FOXP1: variants seen among roughly 807,000 people sequenced by gnomAD.
FOXP1 encodes forkhead box P1.
A neutral mutation model predicts 98.2 loss-of-function variants in FOXP1; 15 were observed. The observed-to-expected ratio is 0.15, with a 90% CI of 0.10 to 0.24. The LOEUF is 0.24. FOXP1 is among the 10% of genes least tolerant of loss of function. The pLI is 1.00. For synonymous variants in FOXP1, 371 were observed against 314.5 expected, an observed-to-expected ratio of 1.18 and a Z score of -1.90; for missense variants, 633 against 848.5, an observed-to-expected ratio of 0.75 and a Z score of 3.15.
chr3:71,241,299 G>C (rs777280488), intron 5 of FOXP1, among the ~76,000 whole-genome samples: 1 of 152,088 alleles, frequency 6.6e-6, no homozygotes, highest in Non-Finnish European at 1.5e-5. Flanking sequence ...CACTACTGCT[G>C]AAAGCAACAC....
In FOXP1 at chr3:71,383,085, C is replaced by G. The variant is rs983200644; in HGVS notation, c.-167-23841G>C. Among the ~76,000 whole-genome samples the G allele has an allele frequency of 8.5e-5, 13 of 152,174 alleles. 2 individuals carry two copies. Among genetic ancestry groups the G allele is most frequent in the Admixed American group, 7.9e-4 (12 of 15,280 alleles). On this transcript the variant is annotated intron_variant, in intron 3 of 20. Transcript: ENST00000649528. ...ACTGTGAAAACTATGAAAGATAACA[C>G]CATCAGGAAACTGCCTGATGTTCCT...
intron 4 of FOXP1, chr3:71,305,880 G>A (rs1257420230): frequency 1.3e-5 from 2 of 152,728 alleles, no homozygotes; most frequent in South Asian, 2.1e-4. Context: ...ACACTTACCC[G>A]TTCATGGTGA....
At chr3:71,338,022 A>G (rs1309608806) in intron 4 of FOXP1, among the ~76,000 whole-genome samples, 1 of 152,160 alleles carries the variant, frequency 6.6e-6, no homozygotes, top group Admixed American at 6.5e-5. Flanking sequence ...AGCTCATAGT[A>G]AGTATTAAGG....
intron 5 of FOXP1, among the ~76,000 whole-genome samples, chr3:71,281,039 C>CAAAAAA (rs55640213): frequency 4.1e-4 from 34 of 83,472 alleles, no homozygotes; most frequent in Non-Finnish European, 5.5e-4. Flanking sequence ...CCCTTCTCTA[C>CAAAAAA]AAAAAAAAAA....
intron 4 of FOXP1, among the ~76,000 whole-genome samples, chr3:71,341,676 G>C (rs1444100158): frequency 2.0e-5 from 3 of 152,156 alleles, no homozygotes; most frequent in Non-Finnish European, 4.4e-5. Context: ...TCCAGCCTGG[G>C]CAACAGAGTG....
chr3:71,539,725 G>A (rs2044638217), intron 2 of FOXP1, among the ~76,000 whole-genome samples: 1 of 152,056 alleles, frequency 6.6e-6, no homozygotes, highest in Admixed American at 6.6e-5. Context: ...TATTTTTGAT[G>A]CTATTGTAAA....
intron 5 of FOXP1, among the ~76,000 whole-genome samples, chr3:71,278,998 C>A (rs2071218098): frequency 6.6e-6 from 1 of 151,744 alleles, no homozygotes; most frequent in Admixed American, 6.6e-5. Flanking sequence ...TCGAGACCAG[C>A]CTGGCCAACA....
chr3:71,361,782 C>T (rs1165364678), intron 3 of FOXP1, among the ~76,000 whole-genome samples: 1 of 152,140 alleles, frequency 6.6e-6, no homozygotes, highest in African/African-American at 2.4e-5. Flanking sequence ...AATGAGAGCC[C>T]TCATGTTTAT....
intron 7 of FOXP1, among the ~76,000 whole-genome samples, chr3:71,068,275 A>C (rs1204336097): frequency 2.6e-5 from 4 of 152,126 alleles, no homozygotes; most frequent in Non-Finnish European, 5.9e-5. Flanking sequence ...CAAATAACAC[A>C]CCTGGGACTA....
At chr3:71,233,101 C>T (rs1408931750) in intron 5 of FOXP1, among the ~76,000 whole-genome samples, 1 of 151,374 alleles carries the variant, frequency 6.6e-6, no homozygotes. Flanking sequence ...GCTATGATTG[C>T]ACAACTGCAC....
chr3:71,569,315 G>A (rs1233750154), intron 2 of FOXP1, among the ~76,000 whole-genome samples: 1 of 152,208 alleles, frequency 6.6e-6, no homozygotes, highest in African/African-American at 2.4e-5. Flanking sequence ...ACAAGTGCAT[G>A]CAGACGTACA....
intron 4 of FOXP1, among the ~76,000 whole-genome samples, chr3:71,315,027 T>TG (rs2107640468): frequency 7.6e-6 from 1 of 132,270 alleles, no homozygotes; most frequent in East Asian, 2.2e-4. Flanking sequence ...GGAATAAGGC[T>TG]GGGATAAGGC....
At chr3:71,308,660 A>G (rs2074452732) in intron 4 of FOXP1, among the ~76,000 whole-genome samples, 1 of 151,726 alleles carries the variant, frequency 6.6e-6, no homozygotes, top group Non-Finnish European at 1.5e-5. Context: ...GATCCTACAT[A>G]TTTGCTCTTC....
intron 5 of FOXP1, among the ~76,000 whole-genome samples, chr3:71,240,462 G>A (rs1560170103): frequency 1.3e-5 from 2 of 152,236 alleles, no homozygotes; most frequent in Non-Finnish European, 1.5e-5. Flanking sequence ...GAAATGGGTG[G>A]TTTTTGGATA....
intron 2 of FOXP1, among the ~76,000 whole-genome samples, chr3:71,577,189 A>T (rs778184052): frequency 6.6e-6 from 1 of 152,198 alleles, no homozygotes; most frequent in Non-Finnish European, 1.5e-5. Context: ...TATTAAAGAA[A>T]CAAAGAACAC....
At chr3:71,416,993 A>C (rs2083272023) in intron 3 of FOXP1, among the ~76,000 whole-genome samples, 1 of 152,190 alleles carries the variant, frequency 6.6e-6, no homozygotes, top group Non-Finnish European at 1.5e-5. Context: ...CAAGCTGATG[A>C]GCAAAGGGGA....
At chr3:71,286,827 A>G (rs996214010) in intron 5 of FOXP1, among the ~76,000 whole-genome samples, 6 of 152,372 alleles carry the variant, frequency 3.9e-5, no homozygotes, top group Admixed American at 2.0e-4. Flanking sequence ...CAATGATTTT[A>G]TGTGCCTGGA....
At chr3:71,404,553 G>A (rs2082183231) in intron 3 of FOXP1, among the ~76,000 whole-genome samples, 1 of 150,168 alleles carries the variant, frequency 6.7e-6, no homozygotes, top group South Asian at 2.1e-4. Context: ...TTCTAAAAAT[G>A]TTGTACAAAG....
At chr3:70,974,609 T>C (rs2037103533) in intron 17 of FOXP1, among the ~76,000 whole-genome samples, 1 of 152,196 alleles carries the variant, frequency 6.6e-6, no homozygotes, top group South Asian at 2.1e-4. Flanking sequence ...TAAAAAAATA[T>C]ATTGCCCAAA....
Sources: gnomAD v4.1 joint callset for allele counts (sites outside exome capture counted in the v4.1 genomes callset) on GRCh38, gnomAD v4.1.1 for gene constraint, MANE v1.5 for transcripts, NCBI Gene and HGNC (gene_info 2026-07-23, HGNC 2026-07-21) for gene names.